Variants in PKD1 observed in about 807,000 individuals in gnomAD.
PKD1 encodes polycystin-1.
PKD1 carries 81 observed loss-of-function variants against 361.7 expected under a neutral mutation model. The ratio of observed to expected loss-of-function variants is 0.22; its 90% CI spans 0.19 to 0.27. The LOEUF (loss-of-function observed/expected upper bound fraction) is 0.27. PKD1 is among the 10% of genes least tolerant of loss of function. The probability of loss-of-function intolerance (pLI) is 1.00; values close to 1 mark genes in which losing one functional copy is unlikely to be tolerated. For synonymous variants in PKD1, 3,615 were observed against 2,818.3 expected (o/e 1.28, Z -8.95); for missense variants, 6,399 against 6,118.3 (o/e 1.05, Z -1.53).
intron 24 of PKD1, 35 bp from the exon 25 acceptor site, chr16:2,102,668 G>T: frequency 1.2e-6 from 2 of 1,610,552 alleles, no homozygotes; most frequent in Non-Finnish European, 8.5e-7. Context: ...GTGAGCCCAG[G>T]CTCCGCCAGG....
Position 2,111,642 on chromosome 16 carries a change from C to A in PKD1, c.3525G>T (p.Pro1175=). Residue 1175 remains proline (P), a synonymous_variant, in exon 15 of 46, where the codon CCG becomes CCT. Transcript: ENST00000262304. ...DGSPVLTQSQ[P]AANHTYASRG... ...TCGAGGCATAGGTGTGGTTGGCAGCCGGCTGGCTCTGGGTCAGGACAGGGG... is the reference window on the plus strand; with the variant it reads ...TCGAGGCATAGGTGTGGTTGGCAGCAGGCTGGCTCTGGGTCAGGACAGGGG... 1 of 1,573,778 alleles carries A rather than the reference C, an allele frequency of 6.4e-7. No individual in the cohort carries two copies. The highest frequency in any genetic ancestry group is 1.2e-5 in the South Asian group (1 of 86,636).
Position 2,099,922 on chromosome 16 carries a change from T to A in PKD1, c.9862A>T (p.Ile3288Phe). 3 of 1,564,224 alleles carry A rather than the reference T, an allele frequency of 1.9e-6. No homozygotes were observed. The highest frequency in any genetic ancestry group is 2.6e-6 in the Non-Finnish European group (3 of 1,155,822). ...GCGTTGGCGCCCAGGAAGAGGCAGA[T>A]GAGGAGAACGCAGCAGGTGGCCCTC... ...IQRATCCVLLICLFLGANAVW... is the reference protein window; with the variant it reads ...IQRATCCVLLFCLFLGANAVW... The change falls in exon 29 of 46, where the codon ATC (isoleucine) becomes TTC (phenylalanine). Residue 3288 changes from isoleucine to phenylalanine, a missense_variant. Ile to Phe is a conservative substitution (Grantham distance 21, BLOSUM62 0). Coordinates refer to ENST00000262304, the MANE Select transcript of PKD1 (RefSeq NM_001009944.3).
Position 2,102,979 on chromosome 16 carries a change from G to A in PKD1, c.8792-9C>T. 1.2e-6 allele frequency: 2 copies of A among 1,602,016 alleles called. No individual in the cohort carries two copies. The highest frequency in any genetic ancestry group is 2.2e-5 in the South Asian group (2 of 90,990). On this transcript the variant is annotated splice_polypyrimidine_tract_variant and intron_variant, in intron 23 of 45. Coordinates refer to ENST00000262304, the MANE Select transcript of PKD1 (RefSeq NM_001009944.3). ...CTCAGACAGGTAGTGGCCTGGGGCA[G>A]AACGCGCAGGTCACACGCCTGCCGG...
rs778557040 is a variant in PKD1 at position 2,108,067 on chromosome 16, G to C, written c.6916-35C>G. ...GAGAACAAGGGGCGACGTGGCCTGAGAGCCCCATCCAGTTTTAAAGCAGAG... is the reference window on the plus strand; with the variant it reads ...GAGAACAAGGGGCGACGTGGCCTGACAGCCCCATCCAGTTTTAAAGCAGAG... On this transcript the variant is annotated intron_variant, in intron 15 of 45. Transcript: ENST00000262304. The C allele has an allele frequency of 3.2e-6, 5 of 1,586,702 alleles. No homozygotes were observed. In the East Asian group the frequency reaches 6.9e-5, roughly 22 times the overall value.
Position 2,135,621 on chromosome 16 carries a change from C to A in PKD1, c.69G>T (p.Ala23=), listed in dbSNP as rs2092941498. The part of the protein sequence containing the change: ...LGLGLWLGAL[A]GGPGRGCGPC... Reference sequence around the variant, plus strand: ...GCCCGCAGCCGCGCCCGGGGCCCCCCGCCAGCGCCCCGAGCCACAGGCCCA... The same window carrying A: ...GCCCGCAGCCGCGCCCGGGGCCCCCAGCCAGCGCCCCGAGCCACAGGCCCA... Residue 23 remains alanine (A), a synonymous_variant, in exon 1 of 46, where the codon GCG becomes GCT. Coordinates refer to ENST00000262304, the MANE Select transcript of PKD1 (RefSeq NM_001009944.3). 2 of 971,248 alleles carry A rather than the reference C, an allele frequency of 2.1e-6. No homozygotes were observed. Among genetic ancestry groups the A allele is most frequent in the East Asian group, 1.1e-4 (1 of 9,122 alleles). 60.2% of individuals were successfully genotyped at this position (971,248 alleles called of 1,614,324 possible).
Position 2,110,717 on chromosome 16 carries a change from G to A in PKD1, c.4450C>T (p.Pro1484Ser). ...NGSLGLELQQPYLFSAVGRGR... is the reference protein window; with the variant it reads ...NGSLGLELQQSYLFSAVGRGR... ...CGGCCCACAGCAGAGAACAGGTACG[G>A]CTGCTGCAGCTCCAGCCCAAGGGAG... The change falls in exon 15 of 46, where the codon CCG becomes TCG. Residue 1484 changes from proline to serine, a missense_variant. By Grantham distance (74) the Pro-to-Ser change is moderately conservative. Coordinates refer to ENST00000262304, the MANE Select transcript of PKD1 (RefSeq NM_001009944.3). 2 of 1,610,126 alleles carry A rather than the reference G, an allele frequency of 1.2e-6. No homozygotes were observed. The highest frequency in any genetic ancestry group is 1.7e-6 in the Non-Finnish European group (2 of 1,179,504).
At chr16:2,092,452 A>C in intron 39 of PKD1, 28 bp downstream of exon 39, 1 of 1,443,804 alleles carries the variant, frequency 6.9e-7, no homozygotes, top group Non-Finnish European at 9.7e-7. Context: ...GAACGATTTA[A>C]GTCTTGGGGC....
chr16:2,088,790 C>A lies in PKD1; in HGVS notation c.*937G>T. 1 of 827,554 alleles carries A rather than the reference C, an allele frequency of 1.2e-6. No individual in the cohort carries two copies. Among genetic ancestry groups the A allele is most frequent in the Non-Finnish European group, 1.8e-6 (1 of 542,158 alleles). The allele number at this position is 827,554 out of a possible 1,614,324, so 51.3% of individuals were successfully genotyped here. A position where few individuals can be genotyped will look rare whatever the true frequency, so the allele number is the denominator to read the frequency against. ...TGTCGAGGCTCTAGAAGCGGCCATG[C>A]CCACAGAAGTGGTACACAGAAGCAG... On this transcript the variant is annotated 3_prime_UTR_variant, in exon 46 of 46. Coordinates refer to ENST00000262304, the MANE Select transcript of PKD1 (RefSeq NM_001009944.3).
In PKD1 at chr16:2,102,808, G is replaced by A; in HGVS notation, c.8948+6C>T. 2 of 1,609,960 alleles carry A rather than the reference G, an allele frequency of 1.2e-6. No individual in the cohort carries two copies. Among genetic ancestry groups the A allele is most frequent in the Non-Finnish European group, 1.7e-6 (2 of 1,179,724 alleles). Reference sequence around the variant, plus strand: ...CTGCCCTGCCAGGCTGGCCCGCAGAGCTCACCCCGGGGAAATGAAGAAGGT... The same window carrying A: ...CTGCCCTGCCAGGCTGGCCCGCAGAACTCACCCCGGGGAAATGAAGAAGGT... On this transcript the variant is annotated splice_donor_region_variant and intron_variant, in intron 24 of 45. Transcript: ENST00000262304.
At position 2,097,516 on chromosome 16, in the gene PKD1, C is replaced by A; in HGVS notation, c.10221-13G>T. On this transcript the variant is annotated splice_polypyrimidine_tract_variant and intron_variant, in intron 32 of 45. Transcript: ENST00000262304. The stretch of plus-strand genomic sequence containing the variant: ...CCAGCACACCAGACTGCAGGTGGCG[C>A]GGGTCAGCAAGGTACCAGGGGATGT... 1 of 1,601,460 alleles carries A rather than the reference C, an allele frequency of 6.2e-7. No homozygotes were observed. The highest frequency in any genetic ancestry group is 1.1e-5 in the South Asian group (1 of 90,994).
chr16:2,126,141 G>A (rs1202510271), intron 1 of PKD1, among the ~76,000 whole-genome samples: 1 of 152,252 alleles, frequency 6.6e-6, no homozygotes, highest in Non-Finnish European at 1.5e-5. Context: ...AGCCAATGAT[G>A]GTACGAGCCA....
rs778158409 is a variant in PKD1, at chr16:2,119,147, C to T, written c.326G>A (p.Gly109Glu). The T allele has an allele frequency of 2.0e-6, 3 of 1,482,756 alleles. No homozygotes were observed. Among genetic ancestry groups the T allele is most frequent in the South Asian group, 2.3e-5 (2 of 87,902 alleles). 91.8% of individuals were successfully genotyped at this position (1,482,756 alleles called of 1,614,324 possible). ...SNNKISTLEE[G>E]IFANLFNLSE... ...TAAATTAAATAAATTAGCAAATATT[C>T]CTTCTTCTAACGTAGAAATCTTGTT... is the stretch of plus-strand genomic sequence containing the variant. The change falls in exon 3 of 46, where the codon GGA becomes GAA. Residue 109 changes from glycine to glutamate, a missense_variant. Transcript: ENST00000262304.
chr16:2,107,065 C>G (rs2092363673), intron 16 of PKD1, 117 bp from the exon 17 acceptor site: 3 of 918,198 alleles, frequency 3.3e-6, no homozygotes, highest in Non-Finnish European at 5.2e-6. Context: ...CTGGCCACTG[C>G]CGGTGAGCTC....
Position 2,106,667 on chromosome 16 carries a change from G to A in PKD1, c.7220C>T (p.Ala2407Val), listed in dbSNP as rs2092347126. The A allele has an allele frequency of 6.3e-7, 1 of 1,594,808 alleles. No individual in the cohort carries two copies. The highest frequency in any genetic ancestry group is 8.5e-7 in the Non-Finnish European group (1 of 1,177,790). Residue 2407 changes from alanine to valine, a missense_variant, in exon 18 of 46, where the codon GCA (alanine) becomes GTA (valine). Ala to Val is a moderately conservative substitution (Grantham distance 64, BLOSUM62 0). Transcript: ENST00000262304. The surrounding 1 kb of genome is among the most constrained non-coding windows in gnomAD (Gnocchi z 6.5). Reference sequence around the variant, plus strand: ...CAGCGTCTTGTTGCTGAACGTACGTGCAGCCCACCGCTGCAGGCAGAAGGG... The same window carrying A: ...CAGCGTCTTGTTGCTGAACGTACGTACAGCCCACCGCTGCAGGCAGAAGGG... Reference protein sequence around the residue: ...SSGSKRGRWAARTFSNKTLVL... With the variant: ...SSGSKRGRWAVRTFSNKTLVL...
intron 10 of PKD1, 94 bp from the exon 11 acceptor site, chr16:2,115,019 G>A (rs1039851294): frequency 2.8e-4 from 421 of 1,511,278 alleles, no homozygotes; most frequent in Non-Finnish European, 3.4e-4. Flanking sequence ...AGGGCTCCCC[G>A]CTTCGTCAGC....
rs765345724 is a variant in PKD1 at position 2,114,641 on chromosome 16, C to A, written c.2382G>T (p.Gly794=). ...CCACCTCTGCCCGGACCTCATAGCG[C>A]CCAGGCAGCCGCAGTCCAGGGTTGG... ...LRPNPGLRLP[G]RYEVRAEVGN... Residue 794 remains glycine, a synonymous_variant, in exon 11 of 46, where the codon GGG becomes GGT. Coordinates refer to ENST00000262304, the MANE Select transcript of PKD1 (RefSeq NM_001009944.3). The A allele has an allele frequency of 7.7e-5, 121 of 1,561,826 alleles. No individual in the cohort carries two copies. Among genetic ancestry groups the A allele is most frequent in the Non-Finnish European group, 1.0e-4 (119 of 1,162,956 alleles).
In PKD1 at chr16:2,109,436, G is replaced by A. The variant is rs376616799; in HGVS notation, c.5731C>T (p.Leu1911=). 4 of 1,605,166 alleles carry A rather than the reference G, an allele frequency of 2.5e-6. No individual in the cohort carries two copies. Among genetic ancestry groups the A allele is most frequent in the African/African-American group, 1.3e-5 (1 of 74,870 alleles). ...AAGGTGACAGCTGAGCCGGCAGCCA[G>A]CAGGATCTGAAAATGGACCAGCTGC... is the stretch of plus-strand genomic sequence containing the variant. ...PGQLVHFQIL[L]AAGSAVTFRL... Residue 1911 remains leucine, a synonymous_variant, in exon 15 of 46, where the codon CTG becomes TTG. Coordinates refer to ENST00000262304, the MANE Select transcript of PKD1 (RefSeq NM_001009944.3).
chr16:2,102,515 T>C lies in PKD1; in HGVS notation c.9067A>G (p.Met3023Val), dbSNP rs17135779. The change falls in exon 25 of 46, where the codon ATG becomes GTG. Residue 3023 changes from methionine (M) to valine (V), a missense_variant. Met to Val is a conservative substitution (Grantham distance 21, BLOSUM62 1). Coordinates refer to ENST00000262304, the MANE Select transcript of PKD1 (RefSeq NM_001009944.3). ...AGCAGCCCCTCTGTCCGCCACACCATGTCCTCCTCGCTGAAGTACTGGCAC... is the reference window on the plus strand; with the variant it reads ...AGCAGCCCCTCTGTCCGCCACACCACGTCCTCCTCGCTGAAGTACTGGCAC... ...SLCQYFSEEDMVWRTEGLLPL... is the reference protein window; with the variant it reads ...SLCQYFSEEDVVWRTEGLLPL... 62 of 1,602,388 alleles carry C rather than the reference T, an allele frequency of 3.9e-5. No homozygotes were observed. The highest frequency in any genetic ancestry group is 9.4e-5 in the African/African-American group (7 of 74,556).
At position 2,102,815 on chromosome 16, in the gene PKD1, C is replaced by A. The variant is rs774199197; in HGVS notation, c.8947G>T (p.Gly2983Trp). Residue 2983 changes from glycine (G) to tryptophan (W), a missense_variant and splice_region_variant, in exon 24 of 46, where the codon GGG becomes TGG. By Grantham distance (184) the Gly-to-Trp change is radical (BLOSUM62 -2). Transcript: ENST00000262304. The part of the protein sequence containing the change: ...HRPYTFFISP[G>W]SRDPAGSYHL... ...GCCAGGCTGGCCCGCAGAGCTCACC[C>A]CGGGGAAATGAAGAAGGTGTAGGGC... is the stretch of plus-strand genomic sequence containing the variant. The A allele has an allele frequency of 2.4e-5, 39 of 1,610,022 alleles. No homozygotes were observed. In the African/African-American group the frequency reaches 4.0e-4, roughly 17 times the overall value.
Sources: allele counts gnomAD v4.1 joint callset (sites outside exome capture counted in the v4.1 genomes callset), GRCh38; gene constraint gnomAD v4.1.1; non-coding constraint Gnocchi (gnomAD v3.1); transcripts MANE v1.5; gene names NCBI Gene and HGNC (gene_info 2026-07-23, HGNC 2026-07-21).